Variants in DMD observed in about 807,000 individuals in gnomAD.
The protein encoded by DMD is dystrophin, also known as mutant dystrophin.
DMD carries 63 observed loss-of-function variants against 330.1 expected under a neutral mutation model. The ratio of observed to expected loss-of-function variants is 0.19; its 90% CI spans 0.16 to 0.24. The LOEUF (loss-of-function observed/expected upper bound fraction) is 0.24. DMD is among the 10% of genes least tolerant of loss of function. The probability of loss-of-function intolerance (pLI) is 1.00; values close to 1 mark genes in which losing one functional copy is unlikely to be tolerated. For missense variants in DMD, 3,344 were observed against 2,684.1 expected (o/e 1.25, Z -5.43); for synonymous variants, 1,223 against 959.8 (o/e 1.27, Z -5.07).
At chrX:32,162,860 A>G (rs1239919435) in intron 44 of DMD, among the ~76,000 whole-genome samples, 1 of 109,607 alleles carries the variant, frequency 9.1e-6, no homozygotes, top group Non-Finnish European at 1.9e-5. Context: ...GATTACAGGC[A>G]TGCAACAAGC....
At chrX:32,629,443 T>A (rs997282074) in intron 11 of DMD, among the ~76,000 whole-genome samples, 4 of 111,711 alleles carry the variant, frequency 3.6e-5, no homozygotes, top group Admixed American at 1.9e-4. Context: ...TAACAGATTA[T>A]TGTGTCTTGT....
intron 2 of DMD, among the ~76,000 whole-genome samples, chrX:32,994,957 AG>A (rs2093077215): frequency 8.9e-6 from 1 of 111,828 alleles, no homozygotes; most frequent in African/African-American, 3.2e-5. Context: ...TACAAAAAAT[AG>A]GAACATTAGC....
chrX:31,370,466 G>A (rs1176571983), intron 60 of DMD, among the ~76,000 whole-genome samples: 11 of 112,046 alleles, frequency 9.8e-5, no homozygotes, highest in Non-Finnish European at 1.9e-4. Flanking sequence ...CGAGGGAAAC[G>A]TAAATTAAAA....
intron 9 of DMD, among the ~76,000 whole-genome samples, chrX:32,670,771 G>C (rs889481396): frequency 8.9e-5 from 10 of 112,114 alleles, no homozygotes; most frequent in African/African-American, 3.2e-4. Context: ...AGTGCAACCT[G>C]TCAGAATTTT....
At chrX:32,741,828 A>G (rs1011781595) in intron 7 of DMD, among the ~76,000 whole-genome samples, 1 of 111,856 alleles carries the variant, frequency 8.9e-6, no homozygotes, top group African/African-American at 3.2e-5. Flanking sequence ...TATCTCAATA[A>G]AGCTGTTCCA....
chrX:32,723,411 G>A (rs1043310970), intron 7 of DMD, among the ~76,000 whole-genome samples: 8 of 111,071 alleles, frequency 7.2e-5, no homozygotes, highest in Non-Finnish European at 1.3e-4. Flanking sequence ...TTTGACTTTC[G>A]TATTTAGGGT....
chrX:32,330,001 T>C (rs1224919865), intron 41 of DMD, among the ~76,000 whole-genome samples: 1 of 112,369 alleles, frequency 8.9e-6, no homozygotes, highest in Non-Finnish European at 1.9e-5. Flanking sequence ...AATAGCTATT[T>C]AGGAATTTTA....
intron 7 of DMD, among the ~76,000 whole-genome samples, chrX:32,791,736 C>T (rs2075836841): frequency 8.9e-6 from 1 of 111,774 alleles, no homozygotes; most frequent in Admixed American, 9.5e-5. Flanking sequence ...GTGACATATA[C>T]AACACCATAA....
intron 1 of DMD, among the ~76,000 whole-genome samples, chrX:33,182,409 C>T (rs1215063959): frequency 9.0e-6 from 1 of 110,552 alleles, no homozygotes; most frequent in East Asian, 2.9e-4. Flanking sequence ...GGACTATAGG[C>T]GTGTTGTCAC....
At chrX:32,169,868 C>T (rs1163136654) in intron 44 of DMD, among the ~76,000 whole-genome samples, 3 of 110,685 alleles carry the variant, frequency 2.7e-5, no homozygotes, top group African/African-American at 9.9e-5. Context: ...TCTTTTTTCC[C>T]ACTTATAATG....
In DMD at chrX:32,684,679, G is replaced by C. The variant is rs189138157; in HGVS notation, c.960+13191C>G. 1.4e-4 allele frequency among the ~76,000 whole-genome samples: 15 copies of C among 110,944 alleles called. No homozygotes were observed. The East Asian group carries it at 3.4e-3, about 25-fold the overall frequency. ...CCTATCTGGTAGTTAAAAATAATTT[G>C]ATTGTTTATATTATATTTTTTTATT... is the stretch of plus-strand genomic sequence containing the variant. On this transcript the variant is annotated intron_variant, in intron 9 of 78. Transcript: ENST00000357033.
intron 20 of DMD, among the ~76,000 whole-genome samples, chrX:32,488,628 G>C (rs1158491721): frequency 8.9e-6 from 1 of 111,750 alleles, no homozygotes; most frequent in Non-Finnish European, 1.9e-5. Context: ...CTGAGAGAAA[G>C]AGTAAGGGGT....
At chrX:31,326,263 T>A (rs951734687) in intron 61 of DMD, among the ~76,000 whole-genome samples, 39 of 111,308 alleles carry the variant, frequency 3.5e-4, no homozygotes, top group South Asian at 1.1e-3. Flanking sequence ...AAATTTTCAA[T>A]TAAATGTCAG....
chrX:33,115,372 T>G (rs1298118374), intron 1 of DMD, among the ~76,000 whole-genome samples: 1 of 111,361 alleles, frequency 9.0e-6, no homozygotes, highest in African/African-American at 3.3e-5. Context: ...GGGATAATTT[T>G]TTTTTTCTTT....
At chrX:33,010,650 T>G (rs186953294) in intron 2 of DMD, among the ~76,000 whole-genome samples, 2 of 111,520 alleles carry the variant, frequency 1.8e-5, no homozygotes, top group Admixed American at 1.9e-4. Context: ...TGATTGATTT[T>G]GAGTCTTTTA....
chrX:31,516,278 CA>C (rs72056571), intron 55 of DMD, among the ~76,000 whole-genome samples: 6,161 of 51,702 alleles, frequency 0.12, 175 homozygotes, highest in African/African-American at 0.16. Context: ...AAAACAAGCG[CA>C]AAAAAAAAAA....
intron 16 of DMD, among the ~76,000 whole-genome samples, chrX:32,553,910 C>T (rs1046746541): frequency 9.0e-6 from 1 of 111,457 alleles, no homozygotes; most frequent in Non-Finnish European, 1.9e-5. Flanking sequence ...CTTGCCAGAT[C>T]GTGGCCAGTC....
intron 67 of DMD, 47 bp downstream of exon 67, chrX:31,203,914 T>C: frequency 1.8e-6 from 2 of 1,136,852 alleles, no homozygotes; most frequent in Non-Finnish European, 2.4e-6. Flanking sequence ...AATTAATTTC[T>C]AAAATATGAA....
chrX:32,233,858 G>A (rs1023791782), intron 43 of DMD, among the ~76,000 whole-genome samples: 3 of 109,926 alleles, frequency 2.7e-5, no homozygotes, highest in East Asian at 5.7e-4. Context: ...TCGAACTCCC[G>A]ACCTCAGGTG....
Sources: gnomAD v4.1 joint callset for allele counts (sites outside exome capture counted in the v4.1 genomes callset) on GRCh38, gnomAD v4.1.1 for gene constraint, MANE v1.5 for transcripts, NCBI Gene and HGNC (gene_info 2026-07-23, HGNC 2026-07-21) for gene names.